Variants in NFATC2IP observed in about 807,000 individuals in gnomAD.
NFATC2IP encodes NFATC2-interacting protein.
In NFATC2IP, 25 loss-of-function variants were observed where a neutral mutation model predicts 40.2. That is an observed-to-expected ratio of 0.62 (90% CI 0.45 to 0.87). The LOEUF (loss-of-function observed/expected upper bound fraction) is 0.87. Among genes scored for constraint, NFATC2IP ranks in the 40% least tolerant of loss-of-function variants. The pLI is 0.00. For missense variants in NFATC2IP, 553 were observed against 555.6 expected, an observed-to-expected ratio of 1.00 and a Z score of 0.05; for synonymous variants, 241 against 236.3, an observed-to-expected ratio of 1.02 and a Z score of -0.18.
chr16:28,961,899 CAAAAAA>C (rs1161300546), intron 7 of NFATC2IP, among the ~76,000 whole-genome samples: 1 of 49,124 alleles, frequency 2.0e-5, no homozygotes, highest in African/African-American at 6.1e-5. Context: ...GACTTCGTCT[CAAAAAA>C]AAAAAAAAAA....
intron 2 of NFATC2IP, among the ~76,000 whole-genome samples, chr16:28,953,479 A>G (rs774831255): frequency 1.3e-5 from 2 of 152,180 alleles, no homozygotes; most frequent in Non-Finnish European, 2.9e-5. Context: ...AACGAAAGGG[A>G]ATATAGAGAG....
Position 28,953,339 on chromosome 16 carries a change from C to T in NFATC2IP, c.460+1135C>T, listed in dbSNP as rs1410204687. ...CTGTCTGCCTTGGTCACCCAAAGTGCTGGGATTACAGGCGTGAGCCACCAC... is the reference window on the plus strand; with the variant it reads ...CTGTCTGCCTTGGTCACCCAAAGTGTTGGGATTACAGGCGTGAGCCACCAC... On this transcript the variant is annotated intron_variant, in intron 2 of 7. Coordinates refer to ENST00000320805, the MANE Select transcript of NFATC2IP (RefSeq NM_032815.4). Among the ~76,000 whole-genome samples the T allele has an allele frequency of 2.0e-5, 3 of 152,192 alleles. No individual in the cohort carries two copies. In the East Asian group the frequency reaches 5.8e-4, roughly 29 times the overall value.
chr16:28,961,347 A>G (rs1348297015), intron 7 of NFATC2IP, among the ~76,000 whole-genome samples: 1 of 150,936 alleles, frequency 6.6e-6, no homozygotes, highest in Non-Finnish European at 1.5e-5. Flanking sequence ...AAAAAAAAAA[A>G]AAAAAAATTA....
At chr16:28,959,144 T>C (rs528157608) in intron 7 of NFATC2IP, 44 bp downstream of exon 7, 1 of 1,186,974 alleles carries the variant, frequency 8.4e-7, no homozygotes, top group African/African-American at 1.5e-5. Context: ...CCCTGTCCTC[T>C]GCTGCCTCTT....
At chr16:28,951,424 C>G (rs750565289) in intron 1 of NFATC2IP, 26 bp downstream of exon 1, 43 of 1,370,152 alleles carry the variant, frequency 3.1e-5, no homozygotes, top group Non-Finnish European at 3.8e-5. Context: ...GGGAGGGGAC[C>G]GGCGGAAGGG....
chr16:28,959,459 C>T (rs1031385238), intron 7 of NFATC2IP, among the ~76,000 whole-genome samples: 8 of 151,718 alleles, frequency 5.3e-5, no homozygotes, highest in African/African-American at 1.9e-4. Flanking sequence ...CATTCAGGAT[C>T]TTATTTAATT....
intron 7 of NFATC2IP, among the ~76,000 whole-genome samples, chr16:28,959,904 T>C (rs1418227647): frequency 6.6e-6 from 1 of 152,194 alleles, no homozygotes; most frequent in African/African-American, 2.4e-5. Context: ...GTTAACGAAA[T>C]ACACAAATTG....
intron 2 of NFATC2IP, 134 bp downstream of exon 2, chr16:28,952,338 C>T: frequency 7.4e-7 from 1 of 1,351,416 alleles, no homozygotes; most frequent in Middle Eastern, 1.9e-4. Context: ...TCCTGCATCC[C>T]AGCCACAGGA....
intron 2 of NFATC2IP, among the ~76,000 whole-genome samples, chr16:28,953,841 C>G (rs1294312636): frequency 6.6e-6 from 1 of 151,674 alleles, no homozygotes; most frequent in Non-Finnish European, 1.5e-5. Context: ...ACACCTGAGC[C>G]CAGGAAGTCG....
rs1007852188 is a variant in NFATC2IP at position 28,959,057 on chromosome 16, A to G, written c.1058A>G (p.Gln353Arg). ...ETSQQLQLRV[Q>R]GKEKHQTLEV... ...TCCCAACAGCTCCAGCTCCGGGTGCAGGGAAAGGAGAAACACCAGACACTG... is the reference window on the plus strand; with the variant it reads ...TCCCAACAGCTCCAGCTCCGGGTGCGGGGAAAGGAGAAACACCAGACACTG... Residue 353 changes from glutamine to arginine, a missense_variant, in exon 7 of 8, where the codon CAG becomes CGG. Physicochemically the swap from Gln to Arg is conservative, Grantham distance 43. Coordinates refer to ENST00000320805, the MANE Select transcript of NFATC2IP (RefSeq NM_032815.4). The G allele has an allele frequency of 3.1e-6, 5 of 1,613,828 alleles. No individual in the cohort carries two copies. The highest frequency in any genetic ancestry group is 3.3e-5 in the Admixed American group (2 of 59,992).
In NFATC2IP at chr16:28,964,094, A is replaced by G. The variant is rs1965118231; in HGVS notation, c.*231A>G. On this transcript the variant is annotated 3_prime_UTR_variant, in exon 8 of 8. Transcript: ENST00000320805. Reference sequence around the variant, plus strand: ...TGGCCTGTGGCTCCGTCCACAAGTCATGCTGAGTTTTGCAGCCTCTGTGAC... The same window carrying G: ...TGGCCTGTGGCTCCGTCCACAAGTCGTGCTGAGTTTTGCAGCCTCTGTGAC... The G allele has an allele frequency of 7.8e-6, 4 of 514,700 alleles. No individual in the cohort carries two copies. The East Asian group carries it at 1.3e-4, about 16-fold the overall frequency. 31.9% of individuals were successfully genotyped at this position (514,700 alleles called of 1,614,324 possible).
chr16:28,960,537 CCT>C (rs146797833), intron 7 of NFATC2IP, among the ~76,000 whole-genome samples: 77 of 149,004 alleles, frequency 5.2e-4, no homozygotes, highest in African/African-American at 6.6e-4. Context: ...GGACAAAATT[CCT>C]CTCTCTCTCT....
Position 28,964,771 on chromosome 16 carries a change from T to C in NFATC2IP, c.*908T>C, listed in dbSNP as rs1030102062. 1.3e-5 allele frequency: 2 copies of C among 152,268 alleles called. No homozygotes were observed. The highest frequency in any genetic ancestry group is 4.8e-5 in the African/African-American group (2 of 41,466). The allele number at this position is 152,268 out of a possible 1,614,324, so 9.4% of individuals were successfully genotyped here. On this transcript the variant is annotated 3_prime_UTR_variant, in exon 8 of 8. Transcript: ENST00000320805. The stretch of plus-strand genomic sequence containing the variant: ...CAATGTGTGCTAAGATCTAGCCCCA[T>C]TGACTCTTCTAGAAATGCAGTATTG...
Position 28,952,299 on chromosome 16 carries a change from G to A in NFATC2IP, c.460+95G>A, listed in dbSNP as rs758439347. 1.6e-5 allele frequency: 25 copies of A among 1,578,736 alleles called. No individual in the cohort carries two copies. In the African/African-American group the frequency reaches 2.8e-4, roughly 18 times the overall value. Reference sequence around the variant, plus strand: ...TTCCTGCAGTCAGTTGTCTCCTGAGGCTCAAGGGAAGAGCGTGGGAGAGGG... The same window carrying A: ...TTCCTGCAGTCAGTTGTCTCCTGAGACTCAAGGGAAGAGCGTGGGAGAGGG... On this transcript the variant is annotated intron_variant, in intron 2 of 7. Coordinates refer to ENST00000320805, the MANE Select transcript of NFATC2IP (RefSeq NM_032815.4).
At chr16:28,958,111 T>C (rs1295436199) in intron 5 of NFATC2IP, among the ~76,000 whole-genome samples, 1 of 113,522 alleles carries the variant, frequency 8.8e-6, no homozygotes, top group Non-Finnish European at 1.7e-5. Flanking sequence ...CTACTAAAAA[T>C]AGAAAGAAAA....
At chr16:28,962,353 A>G (rs1041281226) in intron 7 of NFATC2IP, among the ~76,000 whole-genome samples, 5 of 152,210 alleles carry the variant, frequency 3.3e-5, no homozygotes, top group South Asian at 4.1e-4. Context: ...CAGAGCTTCC[A>G]TAGCTTCCCT....
intron 2 of NFATC2IP, among the ~76,000 whole-genome samples, chr16:28,953,302 A>G (rs943462856): frequency 1.3e-5 from 2 of 151,638 alleles, no homozygotes; most frequent in Non-Finnish European, 2.9e-5. Context: ...CGAACTCCTG[A>G]CCTTAGGTGA....
At chr16:28,961,578 G>A (rs1019338567) in intron 7 of NFATC2IP, among the ~76,000 whole-genome samples, 6 of 151,794 alleles carry the variant, frequency 4.0e-5, no homozygotes, top group Admixed American at 3.9e-4. Flanking sequence ...ACAAACTCAG[G>A]ATTTTTTTCT....
chr16:28,962,310 G>A (rs1457796482), intron 7 of NFATC2IP, among the ~76,000 whole-genome samples: 1 of 152,190 alleles, frequency 6.6e-6, no homozygotes, highest in Non-Finnish European at 1.5e-5. Flanking sequence ...TACAGATGAA[G>A]AGATGTGTAG....
Sources: gnomAD v4.1 joint callset for allele counts (sites outside exome capture counted in the v4.1 genomes callset) on GRCh38, gnomAD v4.1.1 for gene constraint, MANE v1.5 for transcripts, NCBI Gene and HGNC (gene_info 2026-07-23, HGNC 2026-07-21) for gene names.